Variants in CCDC141 observed in about 807,000 individuals in gnomAD.
CCDC141 encodes coiled-coil domain-containing protein 141.
Under a neutral mutation model 181.0 loss-of-function variants are expected in CCDC141, and 168 were observed. The observed-to-expected ratio is 0.93, with a 90% CI of 0.82 to 1.05. The LOEUF is 1.05. Among genes scored for constraint, CCDC141 ranks in the 50% least tolerant of loss-of-function variants. The probability of loss-of-function intolerance (pLI) is 0.00; values close to 1 mark genes in which losing one functional copy is unlikely to be tolerated. For missense variants in CCDC141, 1,902 were observed against 1,788.5 expected, an observed-to-expected ratio of 1.06 and a Z score of -1.14; for synonymous variants, 666 against 642.3, an observed-to-expected ratio of 1.04 and a Z score of -0.56.
Position 178,868,213 on chromosome 2 carries a change from T to G in CCDC141, c.2395-8A>C, listed in dbSNP as rs369295284. 27 of 1,600,656 alleles carry G rather than the reference T, an allele frequency of 1.7e-5. No homozygotes were observed. Among genetic ancestry groups the G allele is most frequent in the Non-Finnish European group, 2.1e-5 (24 of 1,168,980 alleles). On this transcript the variant is annotated splice_region_variant and splice_polypyrimidine_tract_variant and intron_variant, in intron 15 of 23. Transcript: ENST00000443758. ...TTTGATGAGACGTCCCAGCTACAATTTAGGGCATTAACAATTAACCTGGGT... is the reference window on the plus strand; with the variant it reads ...TTTGATGAGACGTCCCAGCTACAATGTAGGGCATTAACAATTAACCTGGGT...
At chr2:179,004,904 G>C (rs2042080854) in intron 2 of CCDC141, among the ~76,000 whole-genome samples, 1 of 152,022 alleles carries the variant, frequency 6.6e-6, no homozygotes, top group South Asian at 2.1e-4. Context: ...ACTAATTTTT[G>C]TATTTTTTGG....
intron 2 of CCDC141, among the ~76,000 whole-genome samples, chr2:179,018,087 T>C (rs1349877444): frequency 6.6e-6 from 1 of 152,164 alleles, no homozygotes; most frequent in Non-Finnish European, 1.5e-5. Context: ...TGTGCTGCAA[T>C]ACTTGAAAAA....
At chr2:178,855,591 G>C (rs1466203333) in intron 18 of CCDC141, 50 bp from the exon 19 acceptor site, 1 of 1,278,182 alleles carries the variant, frequency 7.8e-7, no homozygotes, top group Non-Finnish European at 1.1e-6. Flanking sequence ...TTGTATTTAT[G>C]ATGCTAGTGA....
At chr2:178,843,223 T>C (rs1363647567) in intron 22 of CCDC141, among the ~76,000 whole-genome samples, 1 of 152,200 alleles carries the variant, frequency 6.6e-6, no homozygotes, top group Non-Finnish European at 1.5e-5. Context: ...TCAGGAGAAT[T>C]GGGGTGACTG....
Position 178,865,651 on chromosome 2 carries a change from T to C in CCDC141, c.2724+116A>G, listed in dbSNP as rs997365187. On this transcript the variant is annotated intron_variant, in intron 17 of 23. Transcript: ENST00000443758. ...AATAAGTGAGAAGAAAGTCTCCTGA[T>C]TCATTGTGTGTTTGCATGTGTGTGG... The C allele has an allele frequency of 1.2e-5, 12 of 974,780 alleles. No homozygotes were observed. The African/African-American group carries it at 1.5e-4, about 12-fold the overall frequency. The allele number at this position is 974,780 out of a possible 1,614,324, so 60.4% of individuals were successfully genotyped here. A position where few individuals can be genotyped will look rare whatever the true frequency, so the allele number is the denominator to read the frequency against.
chr2:179,004,976 C>A (rs1221290030), intron 2 of CCDC141, among the ~76,000 whole-genome samples: 5 of 152,180 alleles, frequency 3.3e-5, no homozygotes, highest in African/African-American at 1.2e-4. Context: ...AGGTTATCCA[C>A]CTGCCTCGGC....
chr2:179,030,874 T>C (rs1019526691), intron 2 of CCDC141, among the ~76,000 whole-genome samples: 3 of 152,064 alleles, frequency 2.0e-5, no homozygotes, highest in African/African-American at 4.8e-5. Flanking sequence ...TTGAAATAAA[T>C]CTCATCTCAC....
chr2:178,913,697 T>A (rs1333118641), intron 7 of CCDC141, among the ~76,000 whole-genome samples: 1 of 152,242 alleles, frequency 6.6e-6, no homozygotes, highest in Non-Finnish European at 1.5e-5. Flanking sequence ...CAACGGAAGC[T>A]ATGACAATTG....
intron 11 of CCDC141, among the ~76,000 whole-genome samples, chr2:178,881,690 T>G (rs1686614982): frequency 6.6e-6 from 1 of 151,788 alleles, no homozygotes; most frequent in African/African-American, 2.4e-5. Flanking sequence ...GAGTCCAAAT[T>G]TGAGCCTGGG....
At chr2:178,978,698 T>A in intron 2 of CCDC141, 23 bp from the exon 3 acceptor site, 1 of 1,485,564 alleles carries the variant, frequency 6.7e-7, no homozygotes. Flanking sequence ...GAAAAAGGCA[T>A]AAGGCAGGGT....
chr2:178,942,061 A>G (rs940584916), intron 6 of CCDC141, among the ~76,000 whole-genome samples: 2 of 151,080 alleles, frequency 1.3e-5, no homozygotes, highest in Admixed American at 1.3e-4. Context: ...TCTATGCCTC[A>G]CTTTTCAAAA....
chr2:179,034,574 T>C (rs1055481442), intron 2 of CCDC141, among the ~76,000 whole-genome samples: 1 of 152,208 alleles, frequency 6.6e-6, no homozygotes, highest in African/African-American at 2.4e-5. Context: ...AGTGCTTTCA[T>C]TTCCAAGGAT....
intron 5 of CCDC141, among the ~76,000 whole-genome samples, chr2:178,950,356 A>G (rs764337518): frequency 6.6e-6 from 1 of 152,052 alleles, no homozygotes; most frequent in Non-Finnish European, 1.5e-5. Flanking sequence ...TTTTTACAGT[A>G]GGGGAACCAG....
At chr2:178,920,155 C>T (rs926471209) in intron 6 of CCDC141, among the ~76,000 whole-genome samples, 1 of 152,138 alleles carries the variant, frequency 6.6e-6, no homozygotes, top group Non-Finnish European at 1.5e-5. Context: ...TCCATATAAG[C>T]TGCGGTTGAG....
intron 2 of CCDC141, among the ~76,000 whole-genome samples, chr2:178,995,240 T>C (rs1692229387): frequency 2.0e-5 from 3 of 152,202 alleles, no homozygotes; most frequent in Admixed American, 1.3e-4. Flanking sequence ...CAGTTCCACC[T>C]GTTCGGAGAT....
intron 2 of CCDC141, among the ~76,000 whole-genome samples, chr2:178,992,278 T>G (rs1192249460): frequency 6.6e-6 from 1 of 151,074 alleles, no homozygotes; most frequent in African/African-American, 2.4e-5. Context: ...TTTTTTATAA[T>G]AAAATATGTT....
chr2:178,850,933 T>C (rs1685136837), intron 20 of CCDC141, among the ~76,000 whole-genome samples: 1 of 152,148 alleles, frequency 6.6e-6, no homozygotes, highest in South Asian at 2.1e-4. Context: ...TGCCTCGGCA[T>C]AGTGTCTCGC....
chr2:179,036,305 G>A lies in CCDC141; in HGVS notation c.225+10979C>T, dbSNP rs536105531. Among the ~76,000 whole-genome samples the A allele has an allele frequency of 6.4e-4, 98 of 152,264 alleles. 1 individual carries two copies. In the South Asian group the frequency reaches 0.015, roughly 23 times the overall value. On this transcript the variant is annotated intron_variant, in intron 2 of 23. Transcript: ENST00000443758. ...TCTAAACTCCTGCTCAACCTGAACCGGTAACAAATTATGTGTGATATCCGG... is the reference window on the plus strand; with the variant it reads ...TCTAAACTCCTGCTCAACCTGAACCAGTAACAAATTATGTGTGATATCCGG...
At chr2:179,008,684 T>C (rs1240491721) in intron 2 of CCDC141, among the ~76,000 whole-genome samples, 1 of 152,118 alleles carries the variant, frequency 6.6e-6, no homozygotes, top group Non-Finnish European at 1.5e-5. Context: ...CACATATATA[T>C]TCTGGGGTGG....
Sources: gnomAD v4.1 joint callset for allele counts (sites outside exome capture counted in the v4.1 genomes callset) on GRCh38, gnomAD v4.1.1 for gene constraint, MANE v1.5 for transcripts, NCBI Gene and HGNC (gene_info 2026-07-23, HGNC 2026-07-21) for gene names.